The following TNFSF4 variants were observed in gnomAD, a reference collection of about 807,000 sequenced individuals.
TNFSF4 encodes the protein tumor necrosis factor ligand superfamily member 4.
In TNFSF4, 4 loss-of-function variants were observed where a neutral mutation model predicts 7.3. That is an observed-to-expected ratio of 0.55 (90% CI 0.27 to 1.25). The LOEUF (loss-of-function observed/expected upper bound fraction) is 1.25, where lower values mean the gene tolerates loss of function less well. TNFSF4 is among the 50% of genes most tolerant of loss of function. The probability of loss-of-function intolerance (pLI) is 0.12; values close to 1 mark genes in which losing one functional copy is unlikely to be tolerated. For missense variants in TNFSF4, 181 were observed against 208.8 expected, an observed-to-expected ratio of 0.87 and a Z score of 0.82; for synonymous variants, 76 against 83.7, an observed-to-expected ratio of 0.91 and a Z score of 0.50.
chr1:173,435,107 G>C, the TNFSF4 span, among the ~76,000 whole-genome samples: 1 of 152,144 alleles, frequency 6.6e-6, no homozygotes, highest in Admixed American at 6.5e-5. Context: ...ATATCTGATA[G>C]TCCTGATCCT....
In TNFSF4 at chr1:173,207,131, T is replaced by C. The variant is rs1283716994; in HGVS notation, c.46A>G (p.Arg16Gly). Residue 16 changes from arginine to glycine, a missense_variant, in exon 1 of 3, where the codon AGG becomes GGG. Physicochemically the swap from Arg to Gly is moderately radical, Grantham distance 125. Coordinates refer to ENST00000281834, the MANE Select transcript of TNFSF4 (RefSeq NM_003326.5). ...AGCTTGTTCCTCTCGAATCTTGGCC[T>C]GGCTGCATTTCCCACATTCTCTTCC... ...PLEENVGNAA[R>G]PRFERNKLLL... 4 of 1,613,746 alleles carry C rather than the reference T, an allele frequency of 2.5e-6. No individual in the cohort carries two copies. The highest frequency in any genetic ancestry group is 3.4e-6 in the Non-Finnish European group (4 of 1,179,838).
At chr1:173,295,973 G>C in the TNFSF4 span, among the ~76,000 whole-genome samples, 1 of 152,018 alleles carries the variant, frequency 6.6e-6, no homozygotes, top group Admixed American at 6.6e-5. Flanking sequence ...TAGCAAGTTA[G>C]TACAAGTTTA....
chr1:173,309,629 C>T, the TNFSF4 span, among the ~76,000 whole-genome samples: 1 of 151,604 alleles, frequency 6.6e-6, no homozygotes, highest in East Asian at 1.9e-4. Context: ...AGATGATTAG[C>T]TTGTGATTTT....
the TNFSF4 span, among the ~76,000 whole-genome samples, chr1:173,243,420 A>AT: frequency 6.6e-6 from 1 of 152,064 alleles, no homozygotes. Context: ...GGGCAAGTGG[A>AT]TTTGCGGGTC....
the TNFSF4 span, among the ~76,000 whole-genome samples, chr1:173,232,060 G>T: frequency 6.6e-6 from 1 of 152,130 alleles, no homozygotes; most frequent in Non-Finnish European, 1.5e-5. Context: ...ACCCTGGGCA[G>T]TATGGCCATT....
At chr1:173,234,722 C>T in the TNFSF4 span, among the ~76,000 whole-genome samples, 2 of 152,128 alleles carry the variant, frequency 1.3e-5, no homozygotes, top group Non-Finnish European at 2.9e-5. Flanking sequence ...CATGTTCTCA[C>T]TCATAGGTGG....
At chr1:173,431,251 C>T in the TNFSF4 span, among the ~76,000 whole-genome samples, 3 of 152,176 alleles carry the variant, frequency 2.0e-5, no homozygotes, top group Admixed American at 2.0e-4. Context: ...GAAAATTTGT[C>T]GGTTTCCTTA....
chr1:173,305,961 A>G, the TNFSF4 span, among the ~76,000 whole-genome samples: 1 of 151,908 alleles, frequency 6.6e-6, no homozygotes, highest in African/African-American at 2.4e-5. Context: ...GCCAAACCAC[A>G]TCACCCTTCC....
At chr1:173,220,711 A>T in the TNFSF4 span, among the ~76,000 whole-genome samples, 2 of 152,162 alleles carry the variant, frequency 1.3e-5, no homozygotes, top group Admixed American at 6.5e-5. Flanking sequence ...GGCTATCTAC[A>T]AATCTGGACG....
chr1:173,341,450 C>T, the TNFSF4 span, among the ~76,000 whole-genome samples: 2 of 152,152 alleles, frequency 1.3e-5, no homozygotes, highest in African/African-American at 2.4e-5. Context: ...GGCCCCCTTG[C>T]CAGAATATGA....
At chr1:173,273,256 A>C in the TNFSF4 span, among the ~76,000 whole-genome samples, 1 of 152,144 alleles carries the variant, frequency 6.6e-6, no homozygotes, top group Non-Finnish European at 1.5e-5. Flanking sequence ...CATTCTTCCA[A>C]TCAAGCTTCA....
chr1:173,352,395 T>A, the TNFSF4 span, among the ~76,000 whole-genome samples: 10 of 152,290 alleles, frequency 6.6e-5, no homozygotes, highest in East Asian at 1.9e-3. Context: ...CTATTTTCCC[T>A]AAGTGTCAGC....
chr1:173,265,301 T>C, the TNFSF4 span, among the ~76,000 whole-genome samples: 2 of 152,214 alleles, frequency 1.3e-5, no homozygotes, highest in Admixed American at 6.5e-5. Flanking sequence ...ATAATATGTT[T>C]GGAAGTTGAG....
chr1:173,278,947 T>C, the TNFSF4 span, among the ~76,000 whole-genome samples: 2 of 152,244 alleles, frequency 1.3e-5, no homozygotes, highest in Non-Finnish European at 2.9e-5. Flanking sequence ...AACATATTTG[T>C]AATCCAAACA....
the TNFSF4 span, among the ~76,000 whole-genome samples, chr1:173,358,315 G>A: frequency 2.6e-5 from 4 of 152,130 alleles, no homozygotes; most frequent in Non-Finnish European, 4.4e-5. Context: ...CCCAGGACTC[G>A]CTCTATCACC....
chr1:173,211,755 G>C (rs987713544), upstream of TNFSF4, among the ~76,000 whole-genome samples: 1 of 152,190 alleles, frequency 6.6e-6, no homozygotes, highest in South Asian at 2.1e-4. Flanking sequence ...AAGAAATTCT[G>C]TTCAGAGAAT....
the TNFSF4 span, among the ~76,000 whole-genome samples, chr1:173,221,642 A>G: frequency 6.6e-6 from 1 of 152,214 alleles, no homozygotes. Context: ...AGATAGGGAG[A>G]GGCAGTTTGC....
downstream of TNFSF4, among the ~76,000 whole-genome samples, chr1:173,179,434 T>G (rs1649012427): frequency 6.6e-6 from 1 of 152,206 alleles, no homozygotes; most frequent in Non-Finnish European, 1.5e-5. Flanking sequence ...TTCTGGGGAC[T>G]ATACTTCTAG....
At chr1:173,202,161 C>T (rs879674358) in intron 1 of TNFSF4, among the ~76,000 whole-genome samples, 2 of 151,964 alleles carry the variant, frequency 1.3e-5, no homozygotes, top group Admixed American at 1.3e-4. Context: ...CTACTCAGTA[C>T]TAGTAACCAG....
Sources: gnomAD v4.1 joint callset for allele counts (sites outside exome capture counted in the v4.1 genomes callset) on GRCh38, gnomAD v4.1.1 for gene constraint, MANE v1.5 for transcripts, NCBI Gene and HGNC (gene_info 2026-07-23, HGNC 2026-07-21) for gene names.